The following AGBL3 variants were observed in gnomAD, a reference collection of about 807,000 sequenced individuals.
AGBL3 encodes the protein cytosolic carboxypeptidase 3.
Under a neutral mutation model 94.5 loss-of-function variants are expected in AGBL3, and 68 were observed. That is an observed-to-expected ratio of 0.72 (90% confidence interval 0.59 to 0.88). The LOEUF (loss-of-function observed/expected upper bound fraction) is 0.88. Ranked by LOEUF, AGBL3 falls within the 40% of genes least tolerant of loss-of-function variation. AGBL3 has a pLI of 0.00. For missense variants in AGBL3, 934 were observed against 1,103.8 expected, an observed-to-expected ratio of 0.85 and a Z score of 2.18; for synonymous variants, 354 against 370.7, an observed-to-expected ratio of 0.95 and a Z score of 0.52.
At chr7:135,050,741 T>G (rs1478643692) in intron 11 of AGBL3, among the ~76,000 whole-genome samples, 2 of 152,056 alleles carry the variant, frequency 1.3e-5, no homozygotes, top group East Asian at 1.9e-4. Context: ...CTTGCTCTCT[T>G]TTAGTTACCA....
Position 135,135,739 on chromosome 7 carries a change from C to T in AGBL3, c.*478C>T, listed in dbSNP as rs2117381099. 6.6e-6 allele frequency: 1 copy of T among 152,428 alleles called. No homozygotes were observed. Among genetic ancestry groups the T allele is most frequent in the South Asian group, 2.1e-4 (1 of 4,836 alleles). The allele number at this position is 152,428 out of a possible 1,614,324, so 9.4% of individuals were successfully genotyped here. ...ACTAGGAGATTACCACATAATTGTACAGATAAAACATACCTGAATAAAATG... is the reference window on the plus strand; with the variant it reads ...ACTAGGAGATTACCACATAATTGTATAGATAAAACATACCTGAATAAAATG... On this transcript the variant is annotated 3_prime_UTR_variant, in exon 17 of 17. Transcript: ENST00000436302.
At chr7:135,073,862 G>T (rs189069991) in intron 12 of AGBL3, among the ~76,000 whole-genome samples, 110 of 152,246 alleles carry the variant, frequency 7.2e-4, no homozygotes, top group African/African-American at 2.6e-3. Context: ...CCAGGGTGCG[G>T]CGCCAGGCTG....
At chr7:135,074,241 A>C (rs189452767) in intron 12 of AGBL3, among the ~76,000 whole-genome samples, 167 of 152,312 alleles carry the variant, frequency 1.1e-3, no homozygotes, top group African/African-American at 3.6e-3. Context: ...GGAAAAAAGC[A>C]AAGATGATTC....
intron 16 of AGBL3, among the ~76,000 whole-genome samples, chr7:135,133,643 T>C (rs1829094268): frequency 6.6e-6 from 1 of 152,106 alleles, no homozygotes; most frequent in African/African-American, 2.4e-5. Context: ...CTGATTTTGA[T>C]AGGGAATTCA....
At chr7:135,068,660 A>C (rs1407054615) in intron 12 of AGBL3, among the ~76,000 whole-genome samples, 1 of 152,174 alleles carries the variant, frequency 6.6e-6, no homozygotes, top group Non-Finnish European at 1.5e-5. Flanking sequence ...AGGAGAAATA[A>C]AATACCTTAC....
At chr7:135,003,445 G>A (rs4732076) in intron 4 of AGBL3, among the ~76,000 whole-genome samples, 1 of 151,930 alleles carries the variant, frequency 6.6e-6, no homozygotes, top group African/African-American at 2.4e-5. Flanking sequence ...TTCTGGCTAC[G>A]TTTGCCTTAT....
In AGBL3 at chr7:135,026,248, T is replaced by TTTTATTTTATTTTATTTTA. The variant is rs1554497714; in HGVS notation, c.419-6592_419-6574dup. ...ATAAAAATAGAAATGAATACCATTA[T>TTTTATTTTATTTTATTTTA]TTTATTTTATTTTATTTTATTTTAT... On this transcript the variant is annotated intron_variant, in intron 5 of 16. Coordinates refer to ENST00000436302, the MANE Select transcript of AGBL3 (RefSeq NM_178563.4). 9.5e-4 allele frequency among the ~76,000 whole-genome samples: 108 copies of TTTTATTTTATTTTATTTTA among 113,704 alleles called. 1 individual carries two copies. The highest frequency in any genetic ancestry group is 1.2e-3 in the Non-Finnish European group (73 of 59,928). 74.6% of individuals were successfully genotyped at this position (113,704 alleles called of 152,430 possible).
chr7:135,081,605 C>A, intron 14 of AGBL3, 114 bp from the exon 15 acceptor site: 1 of 589,450 alleles, frequency 1.7e-6, no homozygotes. Context: ...TTGAACTAAA[C>A]TACTGTCTAC....
At chr7:135,057,757 A>G (rs1430290001) in intron 11 of AGBL3, among the ~76,000 whole-genome samples, 4 of 152,216 alleles carry the variant, frequency 2.6e-5, no homozygotes, top group South Asian at 2.1e-4. Context: ...ATAAAGAAAC[A>G]TATGTTCAGA....
chr7:134,989,181 T>G (rs894387327), intron 2 of AGBL3, 69 bp from the exon 3 acceptor site: 1 of 1,073,320 alleles, frequency 9.3e-7, no homozygotes, highest in African/African-American at 1.6e-5. Context: ...CTAAAATAGA[T>G]GTAAAAAAAT....
chr7:135,026,083 C>G (rs1328714733), intron 5 of AGBL3, among the ~76,000 whole-genome samples: 1 of 151,216 alleles, frequency 6.6e-6, no homozygotes, highest in Non-Finnish European at 1.5e-5. Context: ...ATAGAACACC[C>G]AGCAACCACA....
chr7:135,075,807 T>C (rs1445944651), intron 12 of AGBL3, among the ~76,000 whole-genome samples: 1 of 152,224 alleles, frequency 6.6e-6, no homozygotes, highest in Non-Finnish European at 1.5e-5. Flanking sequence ...TGGTTTTAAT[T>C]TGCATTTCCA....
chr7:135,067,271 A>G (rs1191399150), intron 12 of AGBL3, among the ~76,000 whole-genome samples: 1 of 152,224 alleles, frequency 6.6e-6, no homozygotes, highest in Non-Finnish European at 1.5e-5. Context: ...ACCGCAGCTC[A>G]AGGAGGCCTG....
chr7:135,037,572 C>A lies in AGBL3; in HGVS notation c.1492C>A (p.Pro498Thr), dbSNP rs1584910980. 1 of 1,537,532 alleles carries A rather than the reference C, an allele frequency of 6.5e-7. No individual in the cohort carries two copies. The highest frequency in any genetic ancestry group is 1.2e-5 in the South Asian group (1 of 81,206). ...IFPLMLSKNC[P>T]DKFSFSACKF... is the part of the protein sequence containing the mutation. ...CCCACTTATGCTAAGCAAAAATTGT[C>A]CAGATAAAGTAAGCACCTTTTAAGG... is the stretch of plus-strand genomic sequence containing the variant. The change falls in exon 8 of 17, where the codon CCA (proline) becomes ACA (threonine). Residue 498 changes from proline (P) to threonine (T), a missense_variant. By Grantham distance (38) the Pro-to-Thr change is conservative (BLOSUM62 -1). Around this residue, in one of 3 missense-constraint regions of AGBL3, gnomAD observed 441 missense variants for 518.2 expected, o/e 0.85. Transcript: ENST00000436302.
At chr7:134,989,988 T>C (rs1255948382) in intron 3 of AGBL3, among the ~76,000 whole-genome samples, 1 of 152,192 alleles carries the variant, frequency 6.6e-6, no homozygotes. Context: ...TTTGTGGACA[T>C]TTCCCTGCTA....
chr7:135,043,016 A>G (rs1780866033), intron 8 of AGBL3, among the ~76,000 whole-genome samples: 2 of 152,240 alleles, frequency 1.3e-5, no homozygotes, highest in Admixed American at 1.3e-4. Flanking sequence ...TTTGTAGACA[A>G]TCTTTCAGGG....
intron 16 of AGBL3, among the ~76,000 whole-genome samples, chr7:135,130,731 G>C (rs1042706468): frequency 6.6e-6 from 1 of 152,074 alleles, no homozygotes; most frequent in Non-Finnish European, 1.5e-5. Flanking sequence ...TGTAGTTCCA[G>C]TCCTAATTTT....
intron 8 of AGBL3, among the ~76,000 whole-genome samples, chr7:135,040,078 C>G (rs1640991247): frequency 6.6e-6 from 1 of 152,104 alleles, no homozygotes; most frequent in Non-Finnish European, 1.5e-5. Flanking sequence ...AGGGGAAATT[C>G]AATTCTATGC....
At position 135,076,435 on chromosome 7, in the gene AGBL3, C is replaced by T. The variant is rs775552650; in HGVS notation, c.1947C>T (p.Thr649=). 1.8e-5 allele frequency: 28 copies of T among 1,549,042 alleles called. No homozygotes were observed. In the South Asian group the frequency reaches 3.1e-4, roughly 17 times the overall value. ...AAACAAAGAAGGAAAGGAATTCTAC[C>T]ATAGCAAGCCACCAAAATGCCAGAG... ...HLKTKKERNS[T]IASHQNARGQ... Residue 649 remains threonine (T), a synonymous_variant, in exon 13 of 17, where the codon ACC becomes ACT. Coordinates refer to ENST00000436302, the MANE Select transcript of AGBL3 (RefSeq NM_178563.4).
Sources: allele counts gnomAD v4.1 joint callset (sites outside exome capture counted in the v4.1 genomes callset), GRCh38; gene constraint gnomAD v4.1.1; regional missense constraint gnomAD v4.1.1; transcripts MANE v1.5; gene names NCBI Gene and HGNC (gene_info 2026-07-23, HGNC 2026-07-21).